Variants in C19orf12 observed in about 807,000 individuals in gnomAD.
The protein encoded by C19orf12 is chromosome 19 open reading frame 12.
In C19orf12, 2 loss-of-function variants were observed where a neutral mutation model predicts 3.8. That is an observed-to-expected ratio of 0.53 (90% CI 0.22 to 1.66). The LOEUF is 1.66. Ranked by LOEUF, C19orf12 falls within the 40% of genes most tolerant of loss-of-function variation. C19orf12 has a pLI of 0.20. For missense variants in C19orf12, 156 were observed against 188.8 expected (o/e 0.83, Z 1.02); for synonymous variants, 89 against 84.6 (o/e 1.05, Z -0.28).
At chr19:29,709,405 C>T (rs1972552262) in intron 1 of C19orf12, among the ~76,000 whole-genome samples, 1 of 152,180 alleles carries the variant, frequency 6.6e-6, no homozygotes, top group Non-Finnish European at 1.5e-5. Flanking sequence ...TGGCTGAGCC[C>T]AAGGCTCCAG....
chr19:29,715,178 C>A lies in C19orf12; in HGVS notation c.-64G>T. ...CTCGGCGATCAGACGCGGCTGCAGC[C>A]CGGGCCTGGCAGGCCCCGGGCTCCC... On this transcript the variant is annotated 5_prime_UTR_variant, in exon 1 of 3. Coordinates refer to ENST00000323670, the MANE Select transcript of C19orf12 (RefSeq NM_031448.6). 1.9e-6 allele frequency: 1 copy of A among 526,288 alleles called. No individual in the cohort carries two copies. The highest frequency in any genetic ancestry group is 3.4e-6 in the Non-Finnish European group (1 of 291,870). 32.6% of individuals were successfully genotyped at this position (526,288 alleles called of 1,614,324 possible). A position where few individuals can be genotyped will look rare whatever the true frequency, so the allele number is the denominator to read the frequency against.
At chr19:29,714,520 C>T (rs1972853364) in intron 1 of C19orf12, among the ~76,000 whole-genome samples, 1 of 152,012 alleles carries the variant, frequency 6.6e-6, no homozygotes, top group South Asian at 2.1e-4. Flanking sequence ...TACCTGCCAT[C>T]CCCAAAACTA....
intron 2 of C19orf12, among the ~76,000 whole-genome samples, chr19:29,707,455 T>C (rs1296533067): frequency 6.6e-6 from 1 of 152,242 alleles, no homozygotes; most frequent in Non-Finnish European, 1.5e-5. Context: ...AAGGGAGCTC[T>C]CTCAGAGTGA....
intron 1 of C19orf12, among the ~76,000 whole-genome samples, chr19:29,711,203 C>G (rs931855505): frequency 6.6e-6 from 1 of 152,196 alleles, no homozygotes; most frequent in East Asian, 1.9e-4. Flanking sequence ...CCACACCTGG[C>G]TAATTTTTGT....
In C19orf12 at chr19:29,699,223, T is replaced by C; in HGVS notation, c.*3489A>G. ...TGGCTCACGCCTGTAATCCCAGCAC[T>C]TTGGGAGGCTGAGGTGGGCAGATCA... On this transcript the variant is annotated 3_prime_UTR_variant, in exon 3 of 3. Coordinates refer to ENST00000323670, the MANE Select transcript of C19orf12 (RefSeq NM_031448.6). 2.2e-6 allele frequency: 1 copy of C among 453,098 alleles called. No homozygotes were observed. The highest frequency in any genetic ancestry group is 4.4e-6 in the Non-Finnish European group (1 of 226,416). The allele number at this position is 453,098 out of a possible 1,614,324, so 28.1% of individuals were successfully genotyped here.
At position 29,702,733 on chromosome 19, in the gene C19orf12, G is replaced by C. The variant is rs201476706; in HGVS notation, c.405C>G (p.Ala135=). ...CGGCCTAGTCATCATACTGGATCTC[G>C]GCCCGCAGCTCCTTGGTGACGTAGT... ...LVNYVTKELR[A]EIQYDD The change falls in exon 3 of 3, where the codon GCC becomes GCG. Residue 135 remains alanine, a synonymous_variant. Coordinates refer to ENST00000323670, the MANE Select transcript of C19orf12 (RefSeq NM_031448.6). The C allele has an allele frequency of 1.9e-6, 3 of 1,613,778 alleles. No homozygotes were observed. In the Admixed American group the frequency reaches 5.0e-5, roughly 27 times the overall value.
chr19:29,715,195 CG>C lies in C19orf12; in HGVS notation c.-82del. 2.1e-6 allele frequency: 1 copy of C among 482,898 alleles called. No homozygotes were observed. The highest frequency in any genetic ancestry group is 2.0e-5 in the South Asian group (1 of 50,774). The allele number at this position is 482,898 out of a possible 1,614,324, so 29.9% of individuals were successfully genotyped here. On this transcript the variant is annotated 5_prime_UTR_variant, in exon 1 of 3. Coordinates refer to ENST00000323670, the MANE Select transcript of C19orf12 (RefSeq NM_031448.6). ...GCTGCAGCCCGGGCCTGGCAGGCCC[CG>C]GGCTCCCCGCCCAGCTCCCCAGCCC...
intron 1 of C19orf12, among the ~76,000 whole-genome samples, chr19:29,713,661 G>GT (rs1204646877): frequency 6.6e-6 from 1 of 152,146 alleles, no homozygotes; most frequent in Non-Finnish European, 1.5e-5. Context: ...CATAGTTGTT[G>GT]TTTTTTTAAA....
chr19:29,702,536 T>G lies in C19orf12; in HGVS notation c.*176A>C. On this transcript the variant is annotated 3_prime_UTR_variant, in exon 3 of 3. Coordinates refer to ENST00000323670, the MANE Select transcript of C19orf12 (RefSeq NM_031448.6). ...CCAACACATGCTGCTTCATCAGTAATTTCTGGAACATGACACTGCACAGCG... is the reference window on the plus strand; with the variant it reads ...CCAACACATGCTGCTTCATCAGTAAGTTCTGGAACATGACACTGCACAGCG... The G allele has an allele frequency of 2.3e-6, 2 of 872,856 alleles. No homozygotes were observed. The highest frequency in any genetic ancestry group is 3.7e-6 in the Non-Finnish European group (2 of 533,606). The allele number at this position is 872,856 out of a possible 1,614,324, so 54.1% of individuals were successfully genotyped here.
chr19:29,714,676 AC>A (rs1972863560), intron 1 of C19orf12, among the ~76,000 whole-genome samples: 1 of 60,234 alleles, frequency 1.7e-5, no homozygotes. Context: ...CTAGCACCCC[AC>A]CCCCAGCCCC....
chr19:29,701,272 AG>A lies in C19orf12; in HGVS notation c.*1439del. The A allele has an allele frequency of 2.2e-6, 1 of 454,182 alleles. No individual in the cohort carries two copies. Among genetic ancestry groups the A allele is most frequent in the South Asian group, 1.6e-5 (1 of 64,482 alleles). 28.1% of individuals were successfully genotyped at this position (454,182 alleles called of 1,614,324 possible). ...TCAGTATCCATGGGGGATGGGTTCC[AG>A]GACTGCAACCTCAACCCTCAGACAC... On this transcript the variant is annotated 3_prime_UTR_variant, in exon 3 of 3. Transcript: ENST00000323670.
chr19:29,709,529 CT>C (rs10562051), intron 1 of C19orf12, among the ~76,000 whole-genome samples: 23,156 of 131,724 alleles, frequency 0.18, 1,537 homozygotes, highest in East Asian at 0.27. Context: ...TGCTTATTAT[CT>C]TTTTTTTTTT....
At chr19:29,703,950 C>G (rs576925899) in intron 2 of C19orf12, among the ~76,000 whole-genome samples, 1 of 151,202 alleles carries the variant, frequency 6.6e-6, no homozygotes, top group Non-Finnish European at 1.5e-5. Context: ...AGATCATACC[C>G]TTGCACTCCA....
rs1336227378 is a variant in C19orf12, at chr19:29,715,225, G to A, written c.-111C>T. 6.8e-6 allele frequency: 3 copies of A among 439,858 alleles called. No homozygotes were observed. Among genetic ancestry groups the A allele is most frequent in the East Asian group, 6.2e-5 (1 of 16,204 alleles). The allele number at this position is 439,858 out of a possible 1,614,324, so 27.2% of individuals were successfully genotyped here. Reference sequence around the variant, plus strand: ...TCCCCGCCCAGCTCCCCAGCCCCGCGGAGGGTCGCGCAGGCCTTGGTGGCG... The same window carrying A: ...TCCCCGCCCAGCTCCCCAGCCCCGCAGAGGGTCGCGCAGGCCTTGGTGGCG... On this transcript the variant is annotated 5_prime_UTR_variant, in exon 1 of 3. Coordinates refer to ENST00000323670, the MANE Select transcript of C19orf12 (RefSeq NM_031448.6).
At chr19:29,715,102 C>T (rs1386459698) in intron 1 of C19orf12, 23 bp downstream of exon 1, 2 of 613,990 alleles carry the variant, frequency 3.3e-6, no homozygotes, top group East Asian at 3.1e-5. Context: ...GGCGCCCCGC[C>T]CCGGCTCCGG....
chr19:29,713,169 C>A (rs1430659566), intron 1 of C19orf12, among the ~76,000 whole-genome samples: 17 of 152,176 alleles, frequency 1.1e-4, no homozygotes, highest in Non-Finnish European at 2.5e-4. Flanking sequence ...CTTCTCCCAC[C>A]GCAAGGCTGC....
chr19:29,708,410 T>G lies in C19orf12; in HGVS notation c.4A>C (p.Thr2Pro). The change falls in exon 2 of 3, where the codon ACT (threonine) becomes CCT (proline). Residue 2 changes from threonine to proline, a missense_variant. By Grantham distance (38) the Thr-to-Pro change is conservative. Transcript: ENST00000323670. Reference sequence around the variant, plus strand: ...TTCATGATGTCCTCCACCATGATAGTCATCGTGGCGGGCCTTCGAGGGAGA... The same window carrying G: ...TTCATGATGTCCTCCACCATGATAGGCATCGTGGCGGGCCTTCGAGGGAGA... The part of the protein sequence containing the change: M[T>P]IMVEDIMKLL... The G allele has an allele frequency of 1.2e-6, 2 of 1,613,936 alleles. No individual in the cohort carries two copies. The highest frequency in any genetic ancestry group is 1.7e-6 in the Non-Finnish European group (2 of 1,180,022).
At chr19:29,715,503 G>T (rs983316342), upstream of C19orf12, 8 of 329,078 alleles carry the variant, frequency 2.4e-5, no homozygotes, top group Admixed American at 2.7e-4. Flanking sequence ...CCGCGCTCCC[G>T]CAGGCCCAGC....
chr19:29,706,693 T>C (rs1972397057), intron 2 of C19orf12, among the ~76,000 whole-genome samples: 1 of 152,184 alleles, frequency 6.6e-6, no homozygotes, highest in Non-Finnish European at 1.5e-5. Context: ...CACTAATTCA[T>C]GGAGTTTGGA....
Sources: allele counts gnomAD v4.1 joint callset (sites outside exome capture counted in the v4.1 genomes callset), GRCh38; gene constraint gnomAD v4.1.1; transcripts MANE v1.5; gene names NCBI Gene and HGNC (gene_info 2026-07-23, HGNC 2026-07-21).